The following GPHN variants were observed in gnomAD, a reference collection of about 807,000 sequenced individuals.
The protein encoded by GPHN is gephyrin.
A neutral mutation model predicts 95.5 loss-of-function variants in GPHN; 17 were observed. That is an observed-to-expected ratio of 0.18 (90% CI 0.12 to 0.27). GPHN has a LOEUF of 0.27. Among genes scored for constraint, GPHN ranks in the 10% least tolerant of loss-of-function variants. The probability of loss-of-function intolerance (pLI) is 1.00; values close to 1 mark genes in which losing one functional copy is unlikely to be tolerated. For synonymous variants in GPHN, 320 were observed against 322.5 expected, an observed-to-expected ratio of 0.99 and a Z score of 0.08; for missense variants, 660 against 978.1, an observed-to-expected ratio of 0.67 and a Z score of 4.34.
chr14:66,713,853 C>T (rs1011910590), intron 2 of GPHN, among the ~76,000 whole-genome samples: 17 of 152,098 alleles, frequency 1.1e-4, no homozygotes, highest in Non-Finnish European at 2.4e-4. Context: ...ACTGCAACCT[C>T]CACCTCCCAG....
At chr14:67,377,722 T>G in the GPHN span, among the ~76,000 whole-genome samples, 1 of 152,290 alleles carries the variant, frequency 6.6e-6, no homozygotes, top group African/African-American at 2.4e-5. Context: ...AGCATAAAAA[T>G]ATCTCTAGTT....
intron 10 of GPHN, among the ~76,000 whole-genome samples, chr14:67,035,301 TC>T (rs1452129839): frequency 1.3e-5 from 2 of 151,712 alleles, no homozygotes; most frequent in Non-Finnish European, 2.9e-5. Context: ...GGGAAAGACC[TC>T]AAATCAGCAA....
the GPHN span, chr14:67,388,191 G>T: frequency 8.3e-4 from 1,198 of 1,439,668 alleles, 13 homozygotes; most frequent in African/African-American, 0.015. Flanking sequence ...AGGCCCCTGA[G>T]ATCTTCAGGC....
chr14:66,941,810 G>T (rs1030082968), intron 8 of GPHN, among the ~76,000 whole-genome samples: 1 of 150,666 alleles, frequency 6.6e-6, no homozygotes, highest in African/African-American at 2.5e-5. Flanking sequence ...CCAAATTCTA[G>T]AGAAACCAGG....
At chr14:66,864,533 G>A (rs2063155549) in intron 4 of GPHN, among the ~76,000 whole-genome samples, 2 of 152,166 alleles carry the variant, frequency 1.3e-5, no homozygotes, top group South Asian at 4.1e-4. Flanking sequence ...AGCACTTTGG[G>A]AGGCCAAGAC....
At chr14:67,625,887 T>A in the GPHN span, among the ~76,000 whole-genome samples, 2 of 152,106 alleles carry the variant, frequency 1.3e-5, no homozygotes, top group Non-Finnish European at 2.9e-5. Flanking sequence ...AGCAATAGAT[T>A]TAATTAGCCA....
chr14:66,658,661 G>A (rs1047957593), intron 1 of GPHN, among the ~76,000 whole-genome samples: 2 of 152,064 alleles, frequency 1.3e-5, no homozygotes, highest in African/African-American at 2.4e-5. Flanking sequence ...TAAAATCAAG[G>A]TATGTACATT....
chr14:67,719,938 C>A, the GPHN span, among the ~76,000 whole-genome samples: 1 of 152,156 alleles, frequency 6.6e-6, no homozygotes, highest in South Asian at 2.1e-4. Flanking sequence ...ATAATGGTAA[C>A]CTTATAAATA....
the GPHN span, among the ~76,000 whole-genome samples, chr14:67,597,615 T>A: frequency 6.6e-6 from 1 of 152,212 alleles, no homozygotes; most frequent in Non-Finnish European, 1.5e-5. Context: ...TTGAGTTAAT[T>A]AATTGCATTG....
At chr14:67,504,791 A>G in the GPHN span, among the ~76,000 whole-genome samples, 1 of 152,110 alleles carries the variant, frequency 6.6e-6, no homozygotes, top group Non-Finnish European at 1.5e-5. Flanking sequence ...AGTCTGAGGC[A>G]GGAGAATCTC....
chr14:67,068,644 T>C (rs1452284775), intron 11 of GPHN, among the ~76,000 whole-genome samples: 1 of 152,206 alleles, frequency 6.6e-6, no homozygotes, highest in Non-Finnish European at 1.5e-5. Flanking sequence ...TATGTTAGAT[T>C]ATAAGCTGTA....
the GPHN span, among the ~76,000 whole-genome samples, chr14:67,469,773 G>T: frequency 6.6e-6 from 1 of 152,274 alleles, no homozygotes; most frequent in East Asian, 1.9e-4. Flanking sequence ...AGGGAGGAGT[G>T]CAGAGCTGTT....
chr14:67,168,683 A>C (rs2082422152), intron 20 of GPHN, among the ~76,000 whole-genome samples: 1 of 152,214 alleles, frequency 6.6e-6, no homozygotes, highest in African/African-American at 2.4e-5. Flanking sequence ...AGGAAAGCGG[A>C]AATAAATGGC....
intron 8 of GPHN, among the ~76,000 whole-genome samples, chr14:66,935,292 A>G (rs56325002): frequency 6.6e-6 from 1 of 152,138 alleles, no homozygotes; most frequent in Non-Finnish European, 1.5e-5. Context: ...TTCTGGAGAA[A>G]TCCAAAACAA....
intron 1 of GPHN, among the ~76,000 whole-genome samples, chr14:66,545,729 CG>C (rs1383525211): frequency 2.3e-5 from 3 of 132,782 alleles, no homozygotes; most frequent in Admixed American, 7.3e-5. Flanking sequence ...GCTGGCCGGG[CG>C]GGGGGCTGAC....
intron 4 of GPHN, among the ~76,000 whole-genome samples, chr14:66,877,261 C>G (rs996740860): frequency 6.6e-6 from 1 of 152,168 alleles, no homozygotes; most frequent in Non-Finnish European, 1.5e-5. Context: ...CTATTTATGA[C>G]AAGCCCACAG....
chr14:67,330,150 TA>T, the GPHN span, among the ~76,000 whole-genome samples: 23 of 140,298 alleles, frequency 1.6e-4, no homozygotes, highest in African/African-American at 3.6e-4. Flanking sequence ...ATAATAATAA[TA>T]ATAATTATTA....
At chr14:66,521,080 C>A (rs1594803443) in intron 1 of GPHN, among the ~76,000 whole-genome samples, 1 of 152,046 alleles carries the variant, frequency 6.6e-6, no homozygotes, top group Admixed American at 6.6e-5. Flanking sequence ...TGTATACAAA[C>A]CACATTTTCT....
intron 2 of GPHN, among the ~76,000 whole-genome samples, chr14:66,713,745 GT>G (rs57122060): frequency 0.26 from 38,003 of 147,802 alleles, 9,611 homozygotes; most frequent in African/African-American, 0.62. Context: ...TTTCTTTGTT[GT>G]TTTTTTTTTA....
Sources: gnomAD v4.1 joint callset for allele counts (sites outside exome capture counted in the v4.1 genomes callset) on GRCh38, gnomAD v4.1.1 for gene constraint, MANE v1.5 for transcripts, NCBI Gene and HGNC (gene_info 2026-07-23, HGNC 2026-07-21) for gene names.